PRMT8: variants seen among roughly 807,000 people sequenced by gnomAD.
PRMT8 encodes the protein protein arginine methyltransferase 8, also known as protein arginine N-methyltransferase 8.
A neutral mutation model predicts 47.1 loss-of-function variants in PRMT8; 7 were observed. That is an observed-to-expected ratio of 0.15 (90% CI 0.08 to 0.28). The LOEUF is 0.28. Ranked by LOEUF, PRMT8 falls within the 10% of genes least tolerant of loss-of-function variation. PRMT8 has a pLI of 1.00. For missense variants in PRMT8, 237 were observed against 505.4 expected, an observed-to-expected ratio of 0.47 and a Z score of 5.09; for synonymous variants, 188 against 186.5, an observed-to-expected ratio of 1.01 and a Z score of -0.07.
At chr12:3,534,179 C>T (rs1457167315) in intron 1 of PRMT8, among the ~76,000 whole-genome samples, 1 of 152,262 alleles carries the variant, frequency 6.6e-6, no homozygotes, top group South Asian at 2.1e-4. Context: ...GCCAGGCAGG[C>T]GGCTGCTGAG....
chr12:3,401,685 C>T (rs977240155), intron 1 of PRMT8, among the ~76,000 whole-genome samples: 51 of 151,994 alleles, frequency 3.4e-4, no homozygotes, highest in African/African-American at 1.1e-3. Flanking sequence ...GCCAACAACA[C>T]GCAAGCAGAG....
intron 1 of PRMT8, among the ~76,000 whole-genome samples, chr12:3,515,297 G>A (rs1865773076): frequency 6.6e-6 from 1 of 152,260 alleles, no homozygotes; most frequent in South Asian, 2.1e-4. Context: ...GCAAAGTTAG[G>A]TCCACCCTCC....
intron 2 of PRMT8, among the ~76,000 whole-genome samples, chr12:3,548,288 C>T (rs193248375): frequency 2.1e-4 from 32 of 151,826 alleles, no homozygotes; most frequent in African/African-American, 7.2e-4. Context: ...AAAGATCAGA[C>T]AGGGCACAAA....
At chr12:3,408,145 C>CTT in intron 1 of PRMT8, among the ~76,000 whole-genome samples, 1 of 150,882 alleles carries the variant, frequency 6.6e-6, no homozygotes, top group South Asian at 2.2e-4. Context: ...CTCTCCCTCC[C>CTT]TCTCTTTCTC....
At chr12:3,401,777 A>C (rs1221154218) in intron 1 of PRMT8, among the ~76,000 whole-genome samples, 3 of 152,060 alleles carry the variant, frequency 2.0e-5, no homozygotes, top group Non-Finnish European at 4.4e-5. Context: ...TAACAAAGGA[A>C]GTAATGGACC....
At chr12:3,464,398 T>G (rs1865071142) in intron 1 of PRMT8, among the ~76,000 whole-genome samples, 1 of 152,186 alleles carries the variant, frequency 6.6e-6, no homozygotes, top group Non-Finnish European at 1.5e-5. Context: ...CACACTTTCT[T>G]CAACTTGCTA....
At chr12:3,408,484 G>A (rs1864395411) in intron 1 of PRMT8, among the ~76,000 whole-genome samples, 1 of 152,136 alleles carries the variant, frequency 6.6e-6, no homozygotes, top group Non-Finnish European at 1.5e-5. Flanking sequence ...CGATCTTCCT[G>A]CCTTGGCCTT....
intron 1 of PRMT8, among the ~76,000 whole-genome samples, chr12:3,400,450 C>G (rs367913762): frequency 9.9e-5 from 15 of 152,150 alleles, no homozygotes; most frequent in African/African-American, 3.1e-4. Context: ...CCTCCCAAGA[C>G]AGAACCAGGA....
chr12:3,497,552 T>A (rs182615804), intron 1 of PRMT8, among the ~76,000 whole-genome samples: 1 of 152,150 alleles, frequency 6.6e-6, no homozygotes, highest in Admixed American at 6.5e-5. Context: ...CTAGTTTTTG[T>A]TCCAATTGAT....
Position 3,453,896 on chromosome 12 carries a change from T to C in PRMT8, c.48+72454T>C, listed in dbSNP as rs1864947204. 6.6e-6 allele frequency among the ~76,000 whole-genome samples: 1 copy of C among 152,196 alleles called. No individual in the cohort carries two copies. Among genetic ancestry groups the C allele is most frequent in the African/African-American group, 2.4e-5 (1 of 41,450 alleles). On this transcript the variant is annotated intron_variant, in intron 1 of 9. Coordinates refer to the PRMT8 transcript ENST00000452611. This position sits in a 1 kb window ranked among gnomAD's most constrained non-coding sequence, Gnocchi z 4.9. ...TGCAGCCTCGGGTGCAGCCTTGTCC[T>C]CAGCGTTCAACACGGGGTGCCTCGT...
chr12:3,577,302 C>T (rs57713837), intron 7 of PRMT8, among the ~76,000 whole-genome samples: 3,452 of 152,284 alleles, frequency 0.023, 156 homozygotes, highest in African/African-American at 0.078. Context: ...AGAGCGTGCT[C>T]AGGTTTGGGG....
chr12:3,540,575 C>G, intron 1 of PRMT8, 31 bp from the exon 2 acceptor site: 1 of 1,475,426 alleles, frequency 6.8e-7, no homozygotes, highest in Non-Finnish European at 9.4e-7. Flanking sequence ...GTTGTCTCTC[C>G]TAACACCCGA....
chr12:3,511,936 G>A (rs530454103), intron 1 of PRMT8, among the ~76,000 whole-genome samples: 2 of 152,342 alleles, frequency 1.3e-5, no homozygotes, highest in Admixed American at 1.3e-4. Flanking sequence ...CAGGACATAG[G>A]CCTGAGCCAG....
chr12:3,583,016 G>A lies in PRMT8; in HGVS notation c.829-42G>A, dbSNP rs779962582. On this transcript the variant is annotated intron_variant, in intron 7 of 9. Coordinates refer to ENST00000382622, the MANE Select transcript of PRMT8 (RefSeq NM_019854.5). This position sits in a 1 kb window ranked among gnomAD's most constrained non-coding sequence, Gnocchi z 4.7. ...TGCTGACCGGGACCCAGACTTGGTG[G>A]AGGCGATAAGTTCCCGGCATTCTCT... is the stretch of plus-strand genomic sequence containing the variant. 3.1e-6 allele frequency: 5 copies of A among 1,594,546 alleles called. No individual in the cohort carries two copies. The highest frequency in any genetic ancestry group is 4.3e-6 in the Non-Finnish European group (5 of 1,168,614).
intron 1 of PRMT8, among the ~76,000 whole-genome samples, chr12:3,497,840 T>C (rs577692983): frequency 4.0e-4 from 61 of 152,306 alleles, no homozygotes; most frequent in African/African-American, 1.4e-3. Context: ...CATAAAGTCA[T>C]AGAATGTTAA....
rs1012185943 is a variant in PRMT8 at position 3,453,913 on chromosome 12, G to C, written c.48+72471G>C. ...CCTTGTCCTCAGCGTTCAACACGGG[G>C]TGCCTCGTGTGCTCCTCATGGCACA... is the stretch of plus-strand genomic sequence containing the variant. On this transcript the variant is annotated intron_variant, in intron 1 of 9. Transcript: ENST00000452611. This position sits in a 1 kb window ranked among gnomAD's most constrained non-coding sequence, Gnocchi z 4.9. Among the ~76,000 whole-genome samples the C allele has an allele frequency of 5.7e-4, 87 of 152,326 alleles. 1 individual carries two copies. The highest frequency in any genetic ancestry group is 2.0e-3 in the African/African-American group (82 of 41,564).
chr12:3,448,868 A>G (rs540950304), intron 1 of PRMT8, among the ~76,000 whole-genome samples: 2 of 152,154 alleles, frequency 1.3e-5, no homozygotes, highest in South Asian at 2.1e-4. Context: ...TGCATTAGCT[A>G]TTTATCCTGA....
chr12:3,407,857 C>A lies in PRMT8; in HGVS notation c.48+26415C>A, dbSNP rs187461504. On this transcript the variant is annotated intron_variant, in intron 1 of 9. Transcript: ENST00000452611. Reference sequence around the variant, plus strand: ...GACTGGGTAATTTCAAAAAACTTATCTTCAAGTTCGCAAATTCTTTCTTCT... The same window carrying A: ...GACTGGGTAATTTCAAAAAACTTATATTCAAGTTCGCAAATTCTTTCTTCT... Among the ~76,000 whole-genome samples, 91 of 151,878 alleles carry A rather than the reference C, an allele frequency of 6.0e-4. 1 individual carries two copies. The East Asian group carries it at 0.011, about 18-fold the overall frequency.
At chr12:3,518,478 A>G (rs927415477) in intron 1 of PRMT8, among the ~76,000 whole-genome samples, 8 of 151,772 alleles carry the variant, frequency 5.3e-5, no homozygotes, top group African/African-American at 1.2e-4. Context: ...TTAAAACCCA[A>G]TTTTTGTACC....
Sources: allele counts gnomAD v4.1 joint callset (sites outside exome capture counted in the v4.1 genomes callset), GRCh38; gene constraint gnomAD v4.1.1; non-coding constraint Gnocchi (gnomAD v3.1); transcripts MANE v1.5; gene names NCBI Gene and HGNC (gene_info 2026-07-23, HGNC 2026-07-21).